MAN1C1: variants seen among roughly 807,000 people sequenced by gnomAD.
MAN1C1 encodes the protein mannosidase alpha class 1C member 1, also known as mannosyl-oligosaccharide 1,2-alpha-mannosidase IC.
MAN1C1 carries 49 observed loss-of-function variants against 71.5 expected under a neutral mutation model. That is an observed-to-expected ratio of 0.69 (90% CI 0.54 to 0.87). The LOEUF (loss-of-function observed/expected upper bound fraction) is 0.87, where lower values mean the gene tolerates loss of function less well. Among genes scored for constraint, MAN1C1 ranks in the 40% least tolerant of loss-of-function variants. The pLI is 0.00. For missense variants in MAN1C1, 743 were observed against 835.0 expected, an observed-to-expected ratio of 0.89 and a Z score of 1.36; for synonymous variants, 352 against 343.7, an observed-to-expected ratio of 1.02 and a Z score of -0.27.
intron 2 of MAN1C1, among the ~76,000 whole-genome samples, chr1:25,710,412 A>G (rs2046598296): frequency 6.6e-6 from 1 of 152,248 alleles, no homozygotes; most frequent in Admixed American, 6.5e-5. Flanking sequence ...TGGCTGACAA[A>G]TGGTAACAGG....
intron 2 of MAN1C1, among the ~76,000 whole-genome samples, chr1:25,690,014 T>C (rs2046286102): frequency 6.6e-6 from 1 of 152,208 alleles, no homozygotes; most frequent in Admixed American, 6.5e-5. Flanking sequence ...CCTGGTCTCC[T>C]GGTGTGGCAC....
chr1:25,778,074 T>G lies in MAN1C1; in HGVS notation c.1258-31T>G, dbSNP rs1435567787. On this transcript the variant is annotated intron_variant, in intron 8 of 11. Transcript: ENST00000374332. This position sits in a 1 kb window ranked among gnomAD's most constrained non-coding sequence, Gnocchi z 5.5. ...CTTCTCTGTGCCCTCCCACGCCCCT[T>G]CTCCCTGCCCAATCCCCACCTTGCT... is the stretch of plus-strand genomic sequence containing the variant. The G allele has an allele frequency of 1.3e-6, 2 of 1,499,972 alleles. No homozygotes were observed. Among genetic ancestry groups the G allele is most frequent in the Admixed American group, 2.1e-5 (1 of 47,260 alleles). 92.9% of individuals were successfully genotyped at this position (1,499,972 alleles called of 1,614,324 possible).
At chr1:25,629,326 T>C (rs1437378682) in intron 1 of MAN1C1, among the ~76,000 whole-genome samples, 1 of 152,228 alleles carries the variant, frequency 6.6e-6, no homozygotes, top group Non-Finnish European at 1.5e-5. Flanking sequence ...TGCATTGTGG[T>C]TTTAATTTGC....
At chr1:25,671,878 T>C (rs1227870613) in intron 1 of MAN1C1, among the ~76,000 whole-genome samples, 1 of 152,012 alleles carries the variant, frequency 6.6e-6, no homozygotes, top group African/African-American at 2.4e-5. Context: ...GGGGAGTGCA[T>C]TAATTAGGAT....
intron 2 of MAN1C1, among the ~76,000 whole-genome samples, chr1:25,705,640 G>A (rs1363175465): frequency 6.6e-6 from 1 of 152,204 alleles, no homozygotes; most frequent in Non-Finnish European, 1.5e-5. Context: ...GTGCCACTCT[G>A]CTAAGGGCTT....
intron 2 of MAN1C1, among the ~76,000 whole-genome samples, chr1:25,741,354 G>A (rs143698744): frequency 5.8e-4 from 89 of 152,290 alleles, no homozygotes; most frequent in African/African-American, 2.0e-3. Context: ...GAGCCCCAGG[G>A]CACCCCAGTC....
intron 7 of MAN1C1, among the ~76,000 whole-genome samples, chr1:25,765,483 C>T (rs998833831): frequency 1.3e-5 from 2 of 152,198 alleles, no homozygotes; most frequent in African/African-American, 4.8e-5. Context: ...TTTGTGACAT[C>T]AGCAAGGGCT....
chr1:25,672,619 A>T (rs2046007812), intron 1 of MAN1C1, among the ~76,000 whole-genome samples: 1 of 152,132 alleles, frequency 6.6e-6, no homozygotes, highest in Admixed American at 6.6e-5. Flanking sequence ...TTCTGATTGT[A>T]CTGGGCCCAC....
In MAN1C1 at chr1:25,783,653, TG is replaced by T. The variant is rs758948959; in HGVS notation, c.1767-6del. The T allele has an allele frequency of 2.8e-5, 45 of 1,610,882 alleles. 1 individual carries two copies. In the Admixed American group the frequency reaches 7.0e-4, roughly 25 times the overall value. On this transcript the variant is annotated splice_polypyrimidine_tract_variant and intron_variant, in intron 11 of 11. Transcript: ENST00000374332. Reference sequence around the variant, plus strand: ...CTGTGTCTTGCTTCCCTGCCCTGCGTGGGGCACAGGTATCTCTATCTTCTGT... The same window carrying T: ...CTGTGTCTTGCTTCCCTGCCCTGCGTGGGCACAGGTATCTCTATCTTCTGT...
intron 1 of MAN1C1, among the ~76,000 whole-genome samples, chr1:25,651,638 T>C (rs1170822202): frequency 6.6e-6 from 1 of 152,210 alleles, no homozygotes; most frequent in Non-Finnish European, 1.5e-5. Flanking sequence ...TCCTCTGCCC[T>C]TGCACGGAGC....
At chr1:25,659,078 C>T in intron 1 of MAN1C1, 1 of 152,550 alleles carries the variant, frequency 6.6e-6, no homozygotes, top group Non-Finnish European at 1.5e-5. Flanking sequence ...GCTGCGAAGG[C>T]ACCCGCCTGC....
chr1:25,641,101 G>A (rs1459518824), intron 1 of MAN1C1, among the ~76,000 whole-genome samples: 1 of 152,192 alleles, frequency 6.6e-6, no homozygotes, highest in Admixed American at 6.5e-5. Context: ...AATCCTCAGG[G>A]AGTCTGCTTT....
chr1:25,651,212 C>A (rs1178590408), intron 1 of MAN1C1, among the ~76,000 whole-genome samples: 1 of 152,212 alleles, frequency 6.6e-6, no homozygotes, highest in African/African-American at 2.4e-5. Context: ...TTCTTCTGTC[C>A]CAGAGGAGAA....
At chr1:25,685,248 C>CAGCTGATGCA in intron 1 of MAN1C1, among the ~76,000 whole-genome samples, 1 of 152,260 alleles carries the variant, frequency 6.6e-6, no homozygotes, top group East Asian at 1.9e-4. Flanking sequence ...CAACTGATTT[C>CAGCTGATGCA]ACGCCAAAGT....
intron 1 of MAN1C1, among the ~76,000 whole-genome samples, chr1:25,626,408 G>A (rs2045295229): frequency 6.6e-6 from 1 of 151,482 alleles, no homozygotes; most frequent in Admixed American, 6.6e-5. Context: ...GCCCAGGCTG[G>A]AGTGCAGTGG....
chr1:25,628,414 TCTC>T (rs1308750603), intron 1 of MAN1C1, among the ~76,000 whole-genome samples: 1 of 152,156 alleles, frequency 6.6e-6, no homozygotes, highest in Non-Finnish European at 1.5e-5. Context: ...TTCAAGCAAT[TCTC>T]CTGCCTCAGT....
intron 2 of MAN1C1, among the ~76,000 whole-genome samples, chr1:25,720,221 A>G (rs967687656): frequency 1.2e-4 from 17 of 145,842 alleles, no homozygotes; most frequent in African/African-American, 4.3e-4. Flanking sequence ...TTTTTTCTTA[A>G]TTTTTTTCAA....
intron 1 of MAN1C1, among the ~76,000 whole-genome samples, chr1:25,635,024 A>G (rs1221435625): frequency 2.0e-5 from 3 of 151,932 alleles, no homozygotes; most frequent in African/African-American, 4.8e-5. Context: ...CTTGTATTCA[A>G]TGTCCCTTTG....
chr1:25,649,551 A>C (rs1283553393), intron 1 of MAN1C1, among the ~76,000 whole-genome samples: 1 of 152,212 alleles, frequency 6.6e-6, no homozygotes, highest in Non-Finnish European at 1.5e-5. Context: ...CTTTACCAGC[A>C]GTCTCTGAGG....
Sources: gnomAD v4.1 joint callset for allele counts (sites outside exome capture counted in the v4.1 genomes callset) on GRCh38, gnomAD v4.1.1 for gene constraint, Gnocchi (gnomAD v3.1) non-coding constraint, MANE v1.5 for transcripts, NCBI Gene and HGNC (gene_info 2026-07-23, HGNC 2026-07-21) for gene names.